KCTD16: variants seen among roughly 807,000 people sequenced by gnomAD.
KCTD16 encodes the protein potassium channel tetramerization domain containing 16.
In KCTD16, 13 loss-of-function variants were observed where a neutral mutation model predicts 33.2. The observed-to-expected ratio is 0.39, with a 90% CI of 0.25 to 0.62. The LOEUF (loss-of-function observed/expected upper bound fraction) is 0.62. Ranked by LOEUF, KCTD16 falls within the 20% of genes least tolerant of loss-of-function variation. The pLI is 0.50. For missense variants in KCTD16, 441 were observed against 525.1 expected (o/e 0.84, Z 1.57); for synonymous variants, 197 against 195.3 (o/e 1.01, Z -0.07).
intron 3 of KCTD16, among the ~76,000 whole-genome samples, chr5:144,342,454 A>G (rs1399153933): frequency 6.6e-6 from 1 of 152,184 alleles, no homozygotes; most frequent in African/African-American, 2.4e-5. Context: ...GAAGTTGCTT[A>G]TCAGCTTAAG....
chr5:144,178,035 G>A (rs1212026722), intron 2 of KCTD16, among the ~76,000 whole-genome samples: 1 of 152,180 alleles, frequency 6.6e-6, no homozygotes, highest in Non-Finnish European at 1.5e-5. Context: ...CATTTTGGAT[G>A]TCTAGTTTAA....
At chr5:144,298,108 C>T (rs542826013) in intron 3 of KCTD16, among the ~76,000 whole-genome samples, 1 of 152,304 alleles carries the variant, frequency 6.6e-6, no homozygotes, top group African/African-American at 2.4e-5. Flanking sequence ...TCATCCTAAT[C>T]GAGCTGAACA....
In KCTD16 at chr5:144,473,934, G is replaced by C. The variant is rs142821752; in HGVS notation, c.1107G>C (p.Leu369=). The change falls in exon 4 of 4, where the codon CTG becomes CTC. Residue 369 remains leucine (L), a synonymous_variant. Transcript: ENST00000512467. ...MRRKSDLLRT[L]TSGSRESNMS... ...GGAAAAGCGACTTACTCCGGACTCT[G>C]ACTTCAGGCTCCAGGGAATCGAACA... 7.1e-4 allele frequency: 1,149 copies of C among 1,613,990 alleles called. 10 individuals carry two copies. In the African/African-American group the frequency reaches 0.013, roughly 18 times the overall value.
At chr5:144,212,586 A>G (rs980151697) in intron 3 of KCTD16, among the ~76,000 whole-genome samples, 1 of 152,218 alleles carries the variant, frequency 6.6e-6, no homozygotes, top group Non-Finnish European at 1.5e-5. Context: ...ACAAAGCTCC[A>G]TCTGGAACAC....
chr5:144,418,249 G>C (rs555599268), intron 3 of KCTD16, among the ~76,000 whole-genome samples: 4 of 152,220 alleles, frequency 2.6e-5, no homozygotes, highest in South Asian at 4.2e-4. Context: ...AAAGAACAAG[G>C]CTTCCACAGC....
intron 3 of KCTD16, among the ~76,000 whole-genome samples, chr5:144,307,889 A>G (rs1322542542): frequency 6.6e-6 from 1 of 152,242 alleles, no homozygotes; most frequent in Non-Finnish European, 1.5e-5. Context: ...TTAGGGATCA[A>G]GGTACATCGC....
At chr5:144,203,103 G>A (rs1398720802) in intron 2 of KCTD16, among the ~76,000 whole-genome samples, 1 of 152,048 alleles carries the variant, frequency 6.6e-6, no homozygotes, top group Non-Finnish European at 1.5e-5. Flanking sequence ...TCCAAAAAAG[G>A]TTAAGAATCT....
At chr5:144,286,936 C>G (rs1418540440) in intron 3 of KCTD16, among the ~76,000 whole-genome samples, 1 of 152,160 alleles carries the variant, frequency 6.6e-6, no homozygotes. Context: ...AGGTATGATT[C>G]TAAATACATT....
chr5:144,244,046 C>T (rs577001361), intron 3 of KCTD16, among the ~76,000 whole-genome samples: 1 of 152,070 alleles, frequency 6.6e-6, no homozygotes, highest in Non-Finnish European at 1.5e-5. Context: ...TCCAGCCCCC[C>T]ATGAATACTT....
chr5:144,315,962 A>T (rs1404353271), intron 3 of KCTD16, among the ~76,000 whole-genome samples: 1 of 152,044 alleles, frequency 6.6e-6, no homozygotes, highest in Non-Finnish European at 1.5e-5. Flanking sequence ...CTGTAACTTT[A>T]TAGTGGGGTA....
chr5:144,418,165 T>C (rs930114282), intron 3 of KCTD16, among the ~76,000 whole-genome samples: 6 of 152,132 alleles, frequency 3.9e-5, no homozygotes, highest in Non-Finnish European at 8.8e-5. Flanking sequence ...AAGACCTTCT[T>C]GGCAAGTGTT....
chr5:144,184,629 C>T (rs1272250322), intron 2 of KCTD16, among the ~76,000 whole-genome samples: 1 of 152,214 alleles, frequency 6.6e-6, no homozygotes, highest in Admixed American at 6.5e-5. Context: ...TTCCCACCAA[C>T]AGTGCACAAA....
chr5:144,421,178 T>C (rs1219409730), intron 3 of KCTD16, among the ~76,000 whole-genome samples: 4 of 152,166 alleles, frequency 2.6e-5, no homozygotes, highest in African/African-American at 9.6e-5. Flanking sequence ...TAACTTTGAA[T>C]GGTTTAATGT....
At chr5:144,312,445 A>C (rs771557835) in intron 3 of KCTD16, among the ~76,000 whole-genome samples, 1 of 152,320 alleles carries the variant, frequency 6.6e-6, no homozygotes, top group Admixed American at 6.5e-5. Flanking sequence ...CCCCTCCTAT[A>C]TAGAAATTCT....
chr5:144,181,883 C>T (rs140587897), intron 2 of KCTD16, among the ~76,000 whole-genome samples: 1 of 152,042 alleles, frequency 6.6e-6, no homozygotes, highest in South Asian at 2.1e-4. Flanking sequence ...CACCTGAGGT[C>T]AGGAGTTTGA....
intron 3 of KCTD16, among the ~76,000 whole-genome samples, chr5:144,398,446 C>T (rs1013272674): frequency 6.6e-6 from 1 of 152,100 alleles, no homozygotes; most frequent in Non-Finnish European, 1.5e-5. Flanking sequence ...TGATTATGAG[C>T]TTATGCTAAT....
rs11955865 is a variant in KCTD16 at position 144,386,264 on chromosome 5, G to A, written c.833-87396G>A. ...CTAGGGTGTGTACTTCATGCCTTCC[G>A]AATGGCAGCTCCATCACTAAAGCAT... On this transcript the variant is annotated intron_variant, in intron 3 of 3. Coordinates refer to ENST00000512467, the MANE Select transcript of KCTD16 (RefSeq NM_020768.4). 7.6e-3 allele frequency among the ~76,000 whole-genome samples: 1,156 copies of A among 152,208 alleles called. 17 individuals are homozygous for A. Among genetic ancestry groups the A allele is most frequent in the African/African-American group, 0.026 (1,080 of 41,542 alleles).
intron 3 of KCTD16, among the ~76,000 whole-genome samples, chr5:144,350,434 AG>A (rs1751390943): frequency 6.6e-6 from 1 of 152,234 alleles, no homozygotes. Flanking sequence ...TAAATTATAA[AG>A]CATCCTGATA....
At chr5:144,330,035 G>A (rs1357262908) in intron 3 of KCTD16, among the ~76,000 whole-genome samples, 1 of 152,122 alleles carries the variant, frequency 6.6e-6, no homozygotes, top group African/African-American at 2.4e-5. Flanking sequence ...AGTATCTAGA[G>A]TGCAAAATAA....
Sources: allele counts gnomAD v4.1 joint callset (sites outside exome capture counted in the v4.1 genomes callset), GRCh38; gene constraint gnomAD v4.1.1; transcripts MANE v1.5; gene names NCBI Gene and HGNC (gene_info 2026-07-23, HGNC 2026-07-21).